The following DGKG variants were observed in gnomAD, a reference collection of about 807,000 sequenced individuals.
DGKG encodes diacylglycerol kinase gamma.
Under a neutral mutation model 105.3 loss-of-function variants are expected in DGKG, and 78 were observed. That is an observed-to-expected ratio of 0.74 (90% CI 0.62 to 0.89). DGKG has a LOEUF of 0.89. DGKG is among the 40% of genes least tolerant of loss of function. The probability of loss-of-function intolerance (pLI) is 0.00; values close to 1 mark genes in which losing one functional copy is unlikely to be tolerated. For missense variants in DGKG, 958 were observed against 1,020.1 expected (o/e 0.94, Z 0.83); for synonymous variants, 346 against 367.1 (o/e 0.94, Z 0.66).
At chr3:186,316,154 G>T (rs1560151071) in intron 2 of DGKG, among the ~76,000 whole-genome samples, 1 of 152,354 alleles carries the variant, frequency 6.6e-6, no homozygotes, top group East Asian at 1.9e-4. Flanking sequence ...CCCCTTGAAG[G>T]TCCAAACACT....
Position 186,242,509 on chromosome 3 carries a change from G to A in DGKG, c.1821C>T (p.Asn607=). 3 of 1,613,230 alleles carry A rather than the reference G, an allele frequency of 1.9e-6. No homozygotes were observed. Among genetic ancestry groups the A allele is most frequent in the Non-Finnish European group, 2.5e-6 (3 of 1,179,448 alleles). Residue 607 remains asparagine (N), a synonymous_variant, in exon 20 of 25, where the codon AAC becomes AAT. Transcript: ENST00000265022. ...CAGCCGGGCCTGCAGCTTACCTGCT[G>A]TTGAATTTTTCAGGATGTTTCTCTC... The part of the protein sequence containing the change: ...VMREKHPEKF[N]SRMKNKLWYF...
chr3:186,236,650 G>C (rs1720434411), intron 20 of DGKG, among the ~76,000 whole-genome samples: 1 of 152,178 alleles, frequency 6.6e-6, no homozygotes, highest in South Asian at 2.1e-4. Context: ...GCTACATTAG[G>C]GCTTCTGGGG....
intron 21 of DGKG, chr3:186,207,506 C>A (rs1316262718): frequency 1.0e-6 from 1 of 985,342 alleles, no homozygotes; most frequent in East Asian, 1.1e-4. Flanking sequence ...TTCCATGAGG[C>A]ACTTAGCACC....
chr3:186,174,687 TGTGTGTGTGTG>T (rs1716991142), intron 22 of DGKG, among the ~76,000 whole-genome samples: 1 of 135,534 alleles, frequency 7.4e-6, no homozygotes, highest in Non-Finnish European at 1.6e-5. Flanking sequence ...TGTGTGTGTG[TGTGTGTGTGTG>T]TTGCAATCCC....
intron 1 of DGKG, among the ~76,000 whole-genome samples, chr3:186,344,339 T>C (rs560809587): frequency 2.0e-5 from 3 of 152,326 alleles, no homozygotes; most frequent in Admixed American, 1.3e-4. Flanking sequence ...TGAGCATAAA[T>C]GCTCATCAGT....
intron 1 of DGKG, among the ~76,000 whole-genome samples, chr3:186,340,040 T>C (rs1726015280): frequency 6.6e-6 from 1 of 152,224 alleles, no homozygotes; most frequent in Non-Finnish European, 1.5e-5. Flanking sequence ...GTTAATTCCC[T>C]TCCCTTCCTC....
At chr3:186,280,625 C>T (rs1311334562) in intron 8 of DGKG, 45 bp downstream of exon 8, 1 of 1,482,964 alleles carries the variant, frequency 6.7e-7, no homozygotes, top group Non-Finnish European at 9.4e-7. Context: ...CCCCTCCCGT[C>T]TTAGAAGCTC....
chr3:186,327,174 C>G (rs995166465), intron 1 of DGKG, among the ~76,000 whole-genome samples: 13 of 152,066 alleles, frequency 8.5e-5, no homozygotes, highest in East Asian at 1.9e-4. Flanking sequence ...AAAACAAAAA[C>G]AAAAAGAAAA....
At chr3:186,274,954 A>G (rs1722508731) in intron 10 of DGKG, among the ~76,000 whole-genome samples, 1 of 152,120 alleles carries the variant, frequency 6.6e-6, no homozygotes, top group Admixed American at 6.5e-5. Flanking sequence ...ATCCTTGAGG[A>G]ATCGCCACAC....
At chr3:186,161,534 TAA>T (rs1716291126) in intron 24 of DGKG, 67 bp downstream of exon 24, 2 of 1,610,420 alleles carry the variant, frequency 1.2e-6, no homozygotes, top group African/African-American at 2.7e-5. Context: ...GATTTCATAT[TAA>T]GTCAGTGCCC....
intron 20 of DGKG, 128 bp from the exon 21 acceptor site, chr3:186,212,013 G>A: frequency 1.4e-6 from 1 of 691,146 alleles, no homozygotes; most frequent in South Asian, 1.7e-5. Flanking sequence ...TTCAGCACTT[G>A]TTAATCAGAT....
chr3:186,334,065 T>C (rs777659549), intron 1 of DGKG, among the ~76,000 whole-genome samples: 36 of 152,132 alleles, frequency 2.4e-4, no homozygotes, highest in Non-Finnish European at 3.8e-4. Flanking sequence ...GATCTCCTAT[T>C]CTCTAATTCT....
At chr3:186,283,833 A>T (rs1367538871) in intron 7 of DGKG, among the ~76,000 whole-genome samples, 1 of 152,214 alleles carries the variant, frequency 6.6e-6, no homozygotes, top group Non-Finnish European at 1.5e-5. Flanking sequence ...CCTGGGGTTT[A>T]GAGGGAATTG....
At chr3:186,300,043 G>A (rs974203456) in intron 3 of DGKG, among the ~76,000 whole-genome samples, 3 of 151,718 alleles carry the variant, frequency 2.0e-5, no homozygotes, top group African/African-American at 4.8e-5. Context: ...CACCTTGTTG[G>A]CCAGGCTGGT....
chr3:186,320,117 C>T (rs1725008708), intron 2 of DGKG, among the ~76,000 whole-genome samples: 1 of 152,112 alleles, frequency 6.6e-6, no homozygotes, highest in Non-Finnish European at 1.5e-5. Flanking sequence ...GGGAAGTGCT[C>T]TAAGATGTTT....
At chr3:186,352,780 C>T (rs1298668718) in intron 1 of DGKG, among the ~76,000 whole-genome samples, 41 of 152,284 alleles carry the variant, frequency 2.7e-4, no homozygotes, top group Admixed American at 2.6e-3. Context: ...TCAAAAGCCT[C>T]TCAGGGGCAG....
intron 11 of DGKG, among the ~76,000 whole-genome samples, chr3:186,271,235 C>T (rs1722303597): frequency 6.6e-6 from 1 of 152,182 alleles, no homozygotes; most frequent in African/African-American, 2.4e-5. Flanking sequence ...AGAATGGCGT[C>T]ACCCAATGAC....
At position 186,165,032 on chromosome 3, in the gene DGKG, C is replaced by G; in HGVS notation, c.2096-14G>C. 6.2e-7 allele frequency: 1 copy of G among 1,608,978 alleles called. No homozygotes were observed. The highest frequency in any genetic ancestry group is 8.5e-7 in the Non-Finnish European group (1 of 1,178,068). ...GGTCACTGAGGTCTGCAGAGCGAGACAGCAAAAGTAGTGCATACACATCTC... is the reference window on the plus strand; with the variant it reads ...GGTCACTGAGGTCTGCAGAGCGAGAGAGCAAAAGTAGTGCATACACATCTC... On this transcript the variant is annotated splice_polypyrimidine_tract_variant and intron_variant, in intron 22 of 24. Coordinates refer to ENST00000265022, the MANE Select transcript of DGKG (RefSeq NM_001346.3).
intron 22 of DGKG, among the ~76,000 whole-genome samples, chr3:186,180,012 G>A (rs1717282663): frequency 6.6e-6 from 1 of 152,202 alleles, no homozygotes; most frequent in African/African-American, 2.4e-5. Context: ...AGGCCTCTGA[G>A]ACTCTGCCAG....
Sources: allele counts gnomAD v4.1 joint callset (sites outside exome capture counted in the v4.1 genomes callset), GRCh38; gene constraint gnomAD v4.1.1; transcripts MANE v1.5; gene names NCBI Gene and HGNC (gene_info 2026-07-23, HGNC 2026-07-21).